Variants in MITF observed in about 807,000 individuals in gnomAD.
MITF encodes melanocyte inducing transcription factor.
MITF carries 17 observed loss-of-function variants against 60.5 expected under a neutral mutation model. The ratio of observed to expected loss-of-function variants is 0.28; its 90% CI spans 0.19 to 0.42. The LOEUF is 0.42. Among genes scored for constraint, MITF ranks in the 10% least tolerant of loss-of-function variants. The pLI, the probability that MITF is intolerant of heterozygous loss-of-function variation, is 1.00. For missense variants in MITF, 622 were observed against 683.5 expected, an observed-to-expected ratio of 0.91 and a Z score of 1.00; for synonymous variants, 260 against 248.5, an observed-to-expected ratio of 1.05 and a Z score of -0.43.
At chr3:69,789,341 A>G (rs1320458862) in intron 1 of MITF, among the ~76,000 whole-genome samples, 1 of 152,212 alleles carries the variant, frequency 6.6e-6, no homozygotes, top group Non-Finnish European at 1.5e-5. Context: ...TTTAAGAGAC[A>G]TTTCTCCAGA....
At chr3:69,764,649 C>G (rs1332057195) in intron 1 of MITF, among the ~76,000 whole-genome samples, 1 of 152,158 alleles carries the variant, frequency 6.6e-6, no homozygotes, top group Non-Finnish European at 1.5e-5. Context: ...GTCTTCTACC[C>G]TGGGTGAAGG....
chr3:69,919,729 A>C (rs1314909117), intron 2 of MITF, among the ~76,000 whole-genome samples: 1 of 152,240 alleles, frequency 6.6e-6, no homozygotes, highest in Non-Finnish European at 1.5e-5. Flanking sequence ...ATTATGAACA[A>C]ATGACTTTGG....
intron 1 of MITF, among the ~76,000 whole-genome samples, chr3:69,840,339 C>T (rs2107136751): frequency 6.6e-6 from 1 of 152,278 alleles, no homozygotes. Context: ...TGAGCTGGAA[C>T]ACTTAATCCA....
chr3:69,851,564 T>G (rs1319978428), intron 1 of MITF, among the ~76,000 whole-genome samples: 1 of 152,204 alleles, frequency 6.6e-6, no homozygotes, highest in African/African-American at 2.4e-5. Context: ...CTCAAAAGCC[T>G]GAATGCTATA....
intron 2 of MITF, among the ~76,000 whole-genome samples, chr3:69,879,969 A>T (rs2064447973): frequency 6.6e-6 from 1 of 152,190 alleles, no homozygotes; most frequent in African/African-American, 2.4e-5. Context: ...GATTAGGGAC[A>T]TATAGCTTCC....
At chr3:69,789,782 G>T (rs887320101) in intron 1 of MITF, among the ~76,000 whole-genome samples, 1 of 152,126 alleles carries the variant, frequency 6.6e-6, no homozygotes, top group Admixed American at 6.5e-5. Flanking sequence ...CTTGAACCCA[G>T]GAGGCAGAGG....
intron 1 of MITF, among the ~76,000 whole-genome samples, chr3:69,788,488 A>G (rs574982046): frequency 6.6e-6 from 1 of 152,180 alleles, no homozygotes; most frequent in Admixed American, 6.5e-5. Flanking sequence ...ATTTCTGGAA[A>G]GTTGCATTAT....
chr3:69,900,042 G>A (rs1368743580), intron 2 of MITF, among the ~76,000 whole-genome samples: 1 of 152,170 alleles, frequency 6.6e-6, no homozygotes, highest in East Asian at 1.9e-4. Flanking sequence ...TAACTGACTT[G>A]CTCAGTACCT....
intron 6 of MITF, 28 bp downstream of exon 6, chr3:69,949,196 C>A (rs1170239072): frequency 6.8e-7 from 1 of 1,471,036 alleles, no homozygotes; most frequent in South Asian, 1.1e-5. Flanking sequence ...GTGCCTCTTA[C>A]TGCAGATTTC....
intron 1 of MITF, among the ~76,000 whole-genome samples, chr3:69,762,956 T>G (rs1310571788): frequency 1.3e-5 from 2 of 152,194 alleles, no homozygotes; most frequent in African/African-American, 4.8e-5. Flanking sequence ...GCTCTTTACC[T>G]TGCCAGCAAT....
intron 1 of MITF, among the ~76,000 whole-genome samples, chr3:69,755,461 T>G (rs1298675468): frequency 4.2e-5 from 5 of 120,208 alleles, no homozygotes; most frequent in Non-Finnish European, 7.5e-5. Flanking sequence ...TTTTTTTTTT[T>G]TTTTTTTTTT....
At chr3:69,908,744 G>T (rs2065155126) in intron 2 of MITF, among the ~76,000 whole-genome samples, 1 of 152,068 alleles carries the variant, frequency 6.6e-6, no homozygotes, top group Non-Finnish European at 1.5e-5. Context: ...CTTTTATCTG[G>T]TAATTCTTCC....
chr3:69,941,151 T>G, intron 4 of MITF, 85 bp from the exon 5 acceptor site: 1 of 854,630 alleles, frequency 1.2e-6, no homozygotes, highest in Non-Finnish European at 1.9e-6. Context: ...TTGCTTTGGG[T>G]AAAAAAAGAC....
At chr3:69,818,605 G>C (rs2063218374) in intron 1 of MITF, among the ~76,000 whole-genome samples, 2 of 151,954 alleles carry the variant, frequency 1.3e-5, no homozygotes, top group Admixed American at 1.3e-4. Context: ...CATTTCTCTA[G>C]CACCTATGTA....
intron 1 of MITF, among the ~76,000 whole-genome samples, chr3:69,854,181 C>G (rs959191055): frequency 6.6e-6 from 1 of 151,936 alleles, no homozygotes; most frequent in African/African-American, 2.4e-5. Flanking sequence ...ATCCCTGGAC[C>G]CACTGACCCT....
intron 2 of MITF, among the ~76,000 whole-genome samples, chr3:69,885,915 A>G (rs2064604721): frequency 1.3e-5 from 2 of 152,064 alleles, no homozygotes; most frequent in African/African-American, 4.8e-5. Context: ...CCAGCATTGA[A>G]CTTTACCTGT....
chr3:69,868,398 CTGTTGTGGT>C (rs1480515251), intron 1 of MITF, among the ~76,000 whole-genome samples: 1 of 152,128 alleles, frequency 6.6e-6, no homozygotes, highest in African/African-American at 2.4e-5. Flanking sequence ...ATGCTATTAT[CTGTTGTGGT>C]CTGTGGATTT....
intron 2 of MITF, chr3:69,936,584 A>C (rs1666177936): frequency 6.6e-7 from 1 of 1,519,050 alleles, no homozygotes; most frequent in African/African-American, 1.4e-5. Flanking sequence ...TTCTGTGATA[A>C]AGTTTCCGGT....
chr3:69,785,190 C>G (rs992399387), intron 1 of MITF, among the ~76,000 whole-genome samples: 1 of 152,084 alleles, frequency 6.6e-6, no homozygotes, highest in African/African-American at 2.4e-5. Context: ...CTTGAACATT[C>G]TTCATGAGGG....
Sources: gnomAD v4.1 joint callset for allele counts (sites outside exome capture counted in the v4.1 genomes callset) on GRCh38, gnomAD v4.1.1 for gene constraint, MANE v1.5 for transcripts, NCBI Gene and HGNC (gene_info 2026-07-23, HGNC 2026-07-21) for gene names.